Variants in PTPRT observed in about 807,000 individuals in gnomAD.
PTPRT encodes receptor-type tyrosine-protein phosphatase T.
A neutral mutation model predicts 176.8 loss-of-function variants in PTPRT; 56 were observed. That is an observed-to-expected ratio of 0.32 (90% CI 0.26 to 0.40). The LOEUF (loss-of-function observed/expected upper bound fraction) is 0.40. PTPRT is among the 10% of genes least tolerant of loss of function. The probability of loss-of-function intolerance (pLI) is 1.00; values close to 1 mark genes in which losing one functional copy is unlikely to be tolerated. For missense variants in PTPRT, 1,540 were observed against 1,908.2 expected, an observed-to-expected ratio of 0.81 and a Z score of 3.60; for synonymous variants, 783 against 739.0, an observed-to-expected ratio of 1.06 and a Z score of -0.96.
intron 7 of PTPRT, among the ~76,000 whole-genome samples, chr20:42,569,599 C>A (rs2073119136): frequency 6.6e-6 from 1 of 152,142 alleles, no homozygotes; most frequent in African/African-American, 2.4e-5. Flanking sequence ...CTCACCCTCA[C>A]CAGTCCATGC....
intron 1 of PTPRT, among the ~76,000 whole-genome samples, chr20:43,010,746 T>C (rs1600645592): frequency 6.7e-6 from 1 of 149,904 alleles, no homozygotes; most frequent in Non-Finnish European, 1.5e-5. Context: ...AAAAAAAGAA[T>C]AAAAGGCACC....
At chr20:42,805,528 GAACAA>G (rs1984417289) in intron 2 of PTPRT, among the ~76,000 whole-genome samples, 1 of 152,128 alleles carries the variant, frequency 6.6e-6, no homozygotes, top group Non-Finnish European at 1.5e-5. Context: ...GTACAGCTGT[GAACAA>G]AACAGTGAAG....
At chr20:42,228,434 C>A (rs1443472104) in intron 15 of PTPRT, among the ~76,000 whole-genome samples, 1 of 152,192 alleles carries the variant, frequency 6.6e-6, no homozygotes, top group African/African-American at 2.4e-5. Context: ...CAATCCCTAT[C>A]CAAATCTATC....
At chr20:43,152,118 T>C (rs1240004314) in intron 1 of PTPRT, among the ~76,000 whole-genome samples, 4 of 152,098 alleles carry the variant, frequency 2.6e-5, no homozygotes, top group African/African-American at 7.2e-5. Flanking sequence ...ATACCAGAAC[T>C]GCTCAGAAAA....
intron 4 of PTPRT, among the ~76,000 whole-genome samples, chr20:42,774,947 C>T (rs1302952265): frequency 1.3e-5 from 2 of 152,200 alleles, no homozygotes; most frequent in African/African-American, 2.4e-5. Flanking sequence ...AAACGGCCTG[C>T]TCATCAGCCG....
intron 19 of PTPRT, among the ~76,000 whole-genome samples, chr20:42,127,876 T>C (rs986561163): frequency 3.3e-5 from 5 of 152,232 alleles, no homozygotes; most frequent in African/African-American, 1.2e-4. Flanking sequence ...AATTCCAGAA[T>C]TTCTTCCCTC....
chr20:42,247,241 A>G (rs934909841), intron 14 of PTPRT, among the ~76,000 whole-genome samples: 1 of 152,198 alleles, frequency 6.6e-6, no homozygotes, highest in East Asian at 1.9e-4. Context: ...ATGTCCTCAC[A>G]GTTTAATGCC....
chr20:42,999,875 A>G (rs1984452923), intron 1 of PTPRT, among the ~76,000 whole-genome samples: 1 of 152,008 alleles, frequency 6.6e-6, no homozygotes, highest in Non-Finnish European at 1.5e-5. Flanking sequence ...TTTTGTTTTA[A>G]AGAGGATTTC....
In PTPRT at chr20:43,054,512, C is replaced by T. The variant is rs74424916; in HGVS notation, c.88+135134G>A. 1.7e-3 allele frequency among the ~76,000 whole-genome samples: 262 copies of T among 151,086 alleles called. 2 individuals are homozygous for T. The highest frequency in any genetic ancestry group is 6.2e-3 in the African/African-American group (255 of 41,106). ...AAGGCGGCAGTGGGCCAAGATTGTA[C>T]CACTATACTTCAGTCTGTACAACAG... is the stretch of plus-strand genomic sequence containing the variant. On this transcript the variant is annotated intron_variant, in intron 1 of 30. Transcript: ENST00000373187.
At chr20:42,613,721 T>C (rs935737124) in intron 7 of PTPRT, among the ~76,000 whole-genome samples, 1 of 152,172 alleles carries the variant, frequency 6.6e-6, no homozygotes, top group Non-Finnish European at 1.5e-5. Flanking sequence ...ATTACAACTG[T>C]CTAAGCTGAA....
intron 1 of PTPRT, among the ~76,000 whole-genome samples, chr20:43,045,398 C>T (rs575315951): frequency 5.3e-4 from 81 of 152,062 alleles, no homozygotes; most frequent in African/African-American, 1.9e-3. Context: ...TGGGGCAAAG[C>T]ACCAAGCAAG....
chr20:42,275,903 G>A (rs1349819804), intron 13 of PTPRT, among the ~76,000 whole-genome samples: 1 of 152,150 alleles, frequency 6.6e-6, no homozygotes, highest in Non-Finnish European at 1.5e-5. Flanking sequence ...ACTCAGCTAA[G>A]GAAGAATAGC....
At chr20:42,471,364 G>A (rs1256889599) in intron 8 of PTPRT, among the ~76,000 whole-genome samples, 1 of 152,132 alleles carries the variant, frequency 6.6e-6, no homozygotes, top group African/African-American at 2.4e-5. Context: ...TTGGATCATG[G>A]AAGTGGATCC....
intron 7 of PTPRT, among the ~76,000 whole-genome samples, chr20:42,528,602 G>T (rs2072320846): frequency 6.6e-6 from 1 of 152,124 alleles, no homozygotes; most frequent in Non-Finnish European, 1.5e-5. Context: ...GGTCTCTGAT[G>T]AATCATGTGT....
At chr20:42,404,660 C>T (rs939076447) in intron 9 of PTPRT, among the ~76,000 whole-genome samples, 3 of 152,012 alleles carry the variant, frequency 2.0e-5, no homozygotes, top group Non-Finnish European at 4.4e-5. Context: ...CATAAGAATT[C>T]TCCTAACCCT....
At chr20:42,882,061 T>C (rs969313133) in intron 2 of PTPRT, among the ~76,000 whole-genome samples, 2 of 152,124 alleles carry the variant, frequency 1.3e-5, no homozygotes, top group Admixed American at 6.5e-5. Context: ...AGACCAAGTA[T>C]AGCAGGGAGC....
At chr20:42,622,307 T>C (rs985052457) in intron 7 of PTPRT, among the ~76,000 whole-genome samples, 5 of 151,986 alleles carry the variant, frequency 3.3e-5, no homozygotes, top group African/African-American at 1.2e-4. Context: ...AGTGGCGCCA[T>C]CTCGGCTCAC....
At chr20:43,047,450 C>T (rs888931951) in intron 1 of PTPRT, among the ~76,000 whole-genome samples, 1 of 151,916 alleles carries the variant, frequency 6.6e-6, no homozygotes, top group Admixed American at 6.6e-5. Flanking sequence ...GTTCTTGGGT[C>T]GCTTAAGCAA....
intron 2 of PTPRT, among the ~76,000 whole-genome samples, chr20:42,876,637 C>A (rs1466194409): frequency 6.6e-6 from 1 of 152,172 alleles, no homozygotes; most frequent in Non-Finnish European, 1.5e-5. Flanking sequence ...CCAGGTGCCA[C>A]GAAAATGCCA....
Sources: gnomAD v4.1 joint callset for allele counts (sites outside exome capture counted in the v4.1 genomes callset) on GRCh38, gnomAD v4.1.1 for gene constraint, MANE v1.5 for transcripts, NCBI Gene and HGNC (gene_info 2026-07-23, HGNC 2026-07-21) for gene names.